Variants in NUP85 observed in about 807,000 individuals in gnomAD.
The protein encoded by NUP85 is nuclear pore complex protein Nup85.
NUP85 carries 23 observed loss-of-function variants against 92.8 expected under a neutral mutation model. The ratio of observed to expected loss-of-function variants is 0.25; its 90% confidence interval spans 0.18 to 0.35. NUP85 has a LOEUF of 0.35. NUP85 is among the 10% of genes least tolerant of loss of function. NUP85 has a pLI of 1.00. For missense variants in NUP85, 759 were observed against 822.8 expected (o/e 0.92, Z 0.95); for synonymous variants, 314 against 306.9 (o/e 1.02, Z -0.24).
In NUP85 at chr17:75,212,009, A is replaced by T; in HGVS notation, c.308A>T (p.Lys103Ile). The T allele has an allele frequency of 6.2e-7, 1 of 1,613,568 alleles. No individual in the cohort carries two copies. Among genetic ancestry groups the T allele is most frequent in the Non-Finnish European group, 8.5e-7 (1 of 1,179,768 alleles). Residue 103 changes from lysine to isoleucine, a missense_variant, in exon 4 of 19, where the codon AAA (lysine) becomes ATA (isoleucine). By Grantham distance (102) the Lys-to-Ile change is moderately radical. Coordinates refer to ENST00000245544, the MANE Select transcript of NUP85 (RefSeq NM_024844.5). ...TTTTGTAGATTGGTTCGAGTGAGTA[A>T]AAACTACCGATCAGTCATCAGAGCA... Reference protein sequence around the residue: ...SRKSQLVRVSKNYRSVIRACM... With the variant: ...SRKSQLVRVSINYRSVIRACM...
In NUP85 at chr17:75,205,757, G is replaced by A; in HGVS notation, c.-5G>A. 1 of 1,614,204 alleles carries A rather than the reference G, an allele frequency of 6.2e-7. No homozygotes were observed. The highest frequency in any genetic ancestry group is 8.5e-7 in the Non-Finnish European group (1 of 1,180,036). On this transcript the variant is annotated 5_prime_UTR_variant, in exon 1 of 19. Coordinates refer to ENST00000245544, the MANE Select transcript of NUP85 (RefSeq NM_024844.5). ...GCGACTTCTAGGAGCCTGGGGTTCG[G>A]CGCTATGGAGGAGCTCGATGGCGAG...
chr17:75,226,253 T>TTCC, intron 11 of NUP85, 96 bp downstream of exon 11: 1 of 895,314 alleles, frequency 1.1e-6, no homozygotes, highest in Admixed American at 2.0e-5. Flanking sequence ...CTTACCCTTC[T>TTCC]TCCCTCAGAC....
chr17:75,206,888 T>C (rs748553874), intron 1 of NUP85, among the ~76,000 whole-genome samples: 30 of 151,886 alleles, frequency 2.0e-4, no homozygotes, highest in Non-Finnish European at 3.2e-4. Context: ...TTTGTATTTT[T>C]AGTAGAGACG....
Position 75,218,321 on chromosome 17 carries a change from G to A in NUP85, c.597+15G>A, listed in dbSNP as rs1209117600. On this transcript the variant is annotated intron_variant, in intron 7 of 18. Coordinates refer to ENST00000245544, the MANE Select transcript of NUP85 (RefSeq NM_024844.5). ...TCTGGAACTTGGTAAGACAGGCCGG[G>A]CCCCCACCTCCCACCATGTGTCCTA... 1.9e-6 allele frequency: 3 copies of A among 1,611,772 alleles called. No individual in the cohort carries two copies. The highest frequency in any genetic ancestry group is 2.5e-6 in the Non-Finnish European group (3 of 1,178,702).
At chr17:75,233,369 T>G (rs1011646110) in intron 16 of NUP85, among the ~76,000 whole-genome samples, 39 of 125,506 alleles carry the variant, frequency 3.1e-4, no homozygotes, top group African/African-American at 1.0e-3. Flanking sequence ...TTGTTTGTTT[T>G]TCTTTCTTTC....
rs1262716520 is a variant in NUP85, at chr17:75,232,886, G to A, written c.1432G>A (p.Val478Ile). 30 of 1,614,082 alleles carry A rather than the reference G, an allele frequency of 1.9e-5. No homozygotes were observed. The highest frequency in any genetic ancestry group is 6.7e-5 in the East Asian group (3 of 44,896). Residue 478 changes from valine (V) to isoleucine (I), a missense_variant, in exon 15 of 19, where the codon GTC (valine) becomes ATC (isoleucine). Physicochemically the swap from Val to Ile is conservative, Grantham distance 29. Coordinates refer to ENST00000245544, the MANE Select transcript of NUP85 (RefSeq NM_024844.5). ...SICKILAMKA[V>I]RNNRLGSALS... ...TTGTAAGATCTTAGCCATGAAAGCC[G>A]TCCGCAACAATCGCCTGGGTTCTGC...
chr17:75,232,877 A>T lies in NUP85; in HGVS notation c.1423A>T (p.Met475Leu), dbSNP rs1429943063. The T allele has an allele frequency of 6.2e-7, 1 of 1,614,232 alleles. No homozygotes were observed. Among genetic ancestry groups the T allele is most frequent in the South Asian group, 1.1e-5 (1 of 91,090 alleles). The part of the protein sequence containing the change: ...QVRSICKILA[M>L]KAVRNNRLGS... ...TCGCAGCATTTGTAAGATCTTAGCCATGAAAGCCGTCCGCAACAATCGCCT... is the reference window on the plus strand; with the variant it reads ...TCGCAGCATTTGTAAGATCTTAGCCTTGAAAGCCGTCCGCAACAATCGCCT... The change falls in exon 15 of 19, where the codon ATG (methionine) becomes TTG (leucine). Residue 475 changes from methionine to leucine, a missense_variant. By Grantham distance (15) the Met-to-Leu change is conservative. Transcript: ENST00000245544.
chr17:75,232,366 A>G (rs2076097597), intron 14 of NUP85, among the ~76,000 whole-genome samples: 1 of 152,186 alleles, frequency 6.6e-6, no homozygotes, highest in Non-Finnish European at 1.5e-5. Context: ...GAGTGGAATG[A>G]GGATGACCAA....
Position 75,231,815 on chromosome 17 carries a change from C to G in NUP85, c.1245-13C>G. On this transcript the variant is annotated splice_polypyrimidine_tract_variant and intron_variant, in intron 13 of 18. Coordinates refer to ENST00000245544, the MANE Select transcript of NUP85 (RefSeq NM_024844.5). This position sits in a 1 kb window ranked among gnomAD's most constrained non-coding sequence, Gnocchi z 4.6. ...GGCAGCACCTCATGTCTGTCCTCCT[C>G]GAACCTTTGCAGCCTGTGGCAGCTG... 6.2e-7 allele frequency: 1 copy of G among 1,613,780 alleles called. No homozygotes were observed. The highest frequency in any genetic ancestry group is 2.2e-5 in the East Asian group (1 of 44,858).
chr17:75,233,377 T>TCTCTC (rs1555668564), intron 16 of NUP85, among the ~76,000 whole-genome samples: 2 of 101,468 alleles, frequency 2.0e-5, no homozygotes, highest in African/African-American at 5.5e-5. Context: ...TTTTCTTTCT[T>TCTCTC]TCTCTCTTTC....
rs2076078841 is a variant in NUP85, at chr17:75,231,993, G to A, written c.1396+14G>A. ...TGACTGAACAAGGTGAGCTGGCCCT[G>A]CTCCCAGCCTACTGTCTGTGGGACG... On this transcript the variant is annotated intron_variant, in intron 14 of 18. Coordinates refer to ENST00000245544, the MANE Select transcript of NUP85 (RefSeq NM_024844.5). The surrounding 1 kb of genome is among the most constrained non-coding windows in gnomAD (Gnocchi z 4.6). The A allele has an allele frequency of 6.2e-7, 1 of 1,613,790 alleles. No individual in the cohort carries two copies. Among genetic ancestry groups the A allele is most frequent in the Non-Finnish European group, 8.5e-7 (1 of 1,179,924 alleles).
Position 75,231,857 on chromosome 17 carries a change from A to G in NUP85, c.1274A>G (p.Asp425Gly). 1 of 1,614,038 alleles carries G rather than the reference A, an allele frequency of 6.2e-7. No individual in the cohort carries two copies. Among genetic ancestry groups the G allele is most frequent in the Non-Finnish European group, 8.5e-7 (1 of 1,179,976 alleles). Residue 425 changes from aspartate (D) to glycine (G), a missense_variant, in exon 14 of 19, where the codon GAT becomes GGT. Physicochemically the swap from Asp to Gly is moderately conservative, Grantham distance 94. Transcript: ENST00000245544. This position sits in a 1 kb window ranked among gnomAD's most constrained non-coding sequence, Gnocchi z 4.6. Reference sequence around the variant, plus strand: ...TGGCAGCTGGGGGTCGATTACTTTGATTACTGCCCCGAGCTGGGCCGAGTC... The same window carrying G: ...TGGCAGCTGGGGGTCGATTACTTTGGTTACTGCCCCGAGCTGGGCCGAGTC... ...SLWQLGVDYF[D>G]YCPELGRVSL... is the part of the protein sequence containing the mutation.
intron 11 of NUP85, chr17:75,228,951 A>G (rs947553079): frequency 5.1e-6 from 5 of 985,376 alleles, no homozygotes; most frequent in Non-Finnish European, 6.0e-6. Context: ...CTGAAAGGAG[A>G]TGGCAGGAGT....
intron 4 of NUP85, 49 bp downstream of exon 4, chr17:75,212,111 G>GT: frequency 1.2e-5 from 5 of 402,132 alleles, no homozygotes; most frequent in Admixed American, 8.4e-5. Context: ...TGTGTGTGTG[G>GT]GTATTTTGAG....
In NUP85 at chr17:75,225,408, C is replaced by T. The variant is rs1328619295; in HGVS notation, c.799C>T (p.Arg267Trp). Residue 267 changes from arginine to tryptophan, a missense_variant, in exon 9 of 19, where the codon CGG becomes TGG. Coordinates refer to ENST00000245544, the MANE Select transcript of NUP85 (RefSeq NM_024844.5). ...GCAGCACTGGCACGAGGAATGTGAG[C>T]GGTACCTCCAGGACAGCACATTCGC... is the stretch of plus-strand genomic sequence containing the variant. ...KWQHWHEECE[R>W]YLQDSTFATS... is the part of the protein sequence containing the mutation. 10 of 1,614,020 alleles carry T rather than the reference C, an allele frequency of 6.2e-6. No homozygotes were observed. Among genetic ancestry groups the T allele is most frequent in the African/African-American group, 2.7e-5 (2 of 74,924 alleles).
Position 75,235,160 on chromosome 17 carries a change from A to AT in NUP85, c.1828_1829insT (p.Arg610MetfsTer9). 6.2e-7 allele frequency: 1 copy of AT among 1,614,182 alleles called. No homozygotes were observed. Among genetic ancestry groups the AT allele is most frequent in the Non-Finnish European group, 8.5e-7 (1 of 1,179,996 alleles). Reference sequence around the variant, plus strand: ...GCGGTGTCTGGAGGACTTGACGTCAAGAAGACCTGTGCATGGAGAATCTGA... The same window carrying AT: ...GCGGTGTCTGGAGGACTTGACGTCAATGAAGACCTGTGCATGGAGAATCTGA... On this transcript the variant is annotated frameshift_variant, in exon 18 of 19. Transcript: ENST00000245544. LOFTEE classifies it high-confidence loss of function.
In NUP85 at chr17:75,233,677, C is replaced by T. The variant is rs193300253; in HGVS notation, c.1615+519C>T. ...GCAGTGGCGTGATCTCGGCTCACTG[C>T]AACCCCCGCCTCCCGGGTCCAAGCA... On this transcript the variant is annotated intron_variant, in intron 16 of 18. Transcript: ENST00000245544. 8.7e-4 allele frequency among the ~76,000 whole-genome samples: 133 copies of T among 152,180 alleles called. 1 individual carries two copies. In the Middle Eastern group the frequency reaches 0.017, roughly 19 times the overall value.
rs779305795 is a variant in NUP85, at chr17:75,232,891, C to T, written c.1437C>T (p.Arg479=). 1 of 1,614,192 alleles carries T rather than the reference C, an allele frequency of 6.2e-7. No homozygotes were observed. The highest frequency in any genetic ancestry group is 1.1e-5 in the South Asian group (1 of 91,084). The part of the protein sequence containing the change: ...ICKILAMKAV[R]NNRLGSALSW... ...AGATCTTAGCCATGAAAGCCGTCCGCAACAATCGCCTGGGTTCTGCCCTCT... is the reference window on the plus strand; with the variant it reads ...AGATCTTAGCCATGAAAGCCGTCCGTAACAATCGCCTGGGTTCTGCCCTCT... The change falls in exon 15 of 19, where the codon CGC becomes CGT. Residue 479 remains arginine (R), a synonymous_variant. Coordinates refer to ENST00000245544, the MANE Select transcript of NUP85 (RefSeq NM_024844.5).
chr17:75,212,732 G>C (rs1286819876), intron 4 of NUP85, among the ~76,000 whole-genome samples: 2 of 151,720 alleles, frequency 1.3e-5, no homozygotes, highest in Non-Finnish European at 2.9e-5. Flanking sequence ...ATTTTTCCAG[G>C]CTGTTCTTGA....
Sources: allele counts gnomAD v4.1 joint callset (sites outside exome capture counted in the v4.1 genomes callset), GRCh38; gene constraint gnomAD v4.1.1; non-coding constraint Gnocchi (gnomAD v3.1); transcripts MANE v1.5; gene names NCBI Gene and HGNC (gene_info 2026-07-23, HGNC 2026-07-21).